Variants in ZNF831 observed in about 807,000 individuals in gnomAD.
ZNF831 encodes zinc finger protein 831, also known as chromosome 20 open reading frame 174.
ZNF831 carries 59 observed loss-of-function variants against 95.8 expected under a neutral mutation model. The observed-to-expected ratio is 0.62, with a 90% confidence interval of 0.50 to 0.77. The LOEUF (loss-of-function observed/expected upper bound fraction) is 0.77, where lower values mean the gene tolerates loss of function less well. Ranked by LOEUF, ZNF831 falls within the 30% of genes least tolerant of loss-of-function variation. The pLI is 0.00. For synonymous variants in ZNF831, 961 were observed against 925.5 expected (o/e 1.04, Z -0.70); for missense variants, 2,205 against 2,164.0 (o/e 1.02, Z -0.38).
rs1056087741 is a variant in ZNF831 at position 59,208,268 on chromosome 20, C to T, written c.4027+1212C>T. On this transcript the variant is annotated intron_variant, in intron 4 of 5. Transcript: ENST00000371030. This position sits in a 1 kb window ranked among gnomAD's most constrained non-coding sequence, Gnocchi z 4.2. Reference sequence around the variant, plus strand: ...CTCCATCTCCCTCCTCTGTATCCAGCGAAATTGCCCATTGGGCTGTGCTTG... The same window carrying T: ...CTCCATCTCCCTCCTCTGTATCCAGTGAAATTGCCCATTGGGCTGTGCTTG... 7.2e-5 allele frequency among the ~76,000 whole-genome samples: 11 copies of T among 152,178 alleles called. No homozygotes were observed. The highest frequency in any genetic ancestry group is 1.7e-4 in the African/African-American group (7 of 41,436).
intron 5 of ZNF831, 128 bp from the exon 6 acceptor site, chr20:59,253,770 C>A: frequency 9.1e-7 from 1 of 1,093,456 alleles, no homozygotes. Flanking sequence ...TATTGAAGTT[C>A]ACCCTTGGTA....
Position 59,148,438 on chromosome 20 carries a change from T to C in ZNF831, c.-1281+2064T>C, listed in dbSNP as rs961729046. On this transcript the variant is annotated intron_variant, in intron 2 of 7. Transcript: ENST00000637017. ...GGCTCACGCCTGTAATCCCAGCACTTTGGGAGGCCGAGACGGGCAGATCAC... is the reference window on the plus strand; with the variant it reads ...GGCTCACGCCTGTAATCCCAGCACTCTGGGAGGCCGAGACGGGCAGATCAC... 1.6e-4 allele frequency among the ~76,000 whole-genome samples: 23 copies of C among 146,876 alleles called. 5 individuals are homozygous for C. The highest frequency in any genetic ancestry group is 3.2e-4 in the Non-Finnish European group (21 of 66,354).
chr20:59,202,890 C>T (rs192562975), intron 3 of ZNF831, among the ~76,000 whole-genome samples: 216 of 152,250 alleles, frequency 1.4e-3, no homozygotes, highest in Non-Finnish European at 2.9e-3. Flanking sequence ...TCAGAACATA[C>T]GTAAATTTAA....
At position 59,193,415 on chromosome 20, in the gene ZNF831, G is replaced by A. The variant is rs1447096293; in HGVS notation, c.2396G>A (p.Cys799Tyr). 3 of 1,598,866 alleles carry A rather than the reference G, an allele frequency of 1.9e-6. No individual in the cohort carries two copies. Among genetic ancestry groups the A allele is most frequent in the East Asian group, 4.5e-5 (2 of 44,844 alleles). ...ARGVGDVQET[C>Y]LWAQTVLRWP... The stretch of plus-strand genomic sequence containing the variant: ...GGTGTGGGGGATGTTCAGGAGACCT[G>A]CCTGTGGGCCCAGACTGTCCTGAGA... The change falls in exon 2 of 6, where the codon TGC (cysteine) becomes TAC (tyrosine). Residue 799 changes from cysteine (C) to tyrosine (Y), a missense_variant. Coordinates refer to ENST00000371030, the MANE Select transcript of ZNF831 (RefSeq NM_178457.3).
intron 1 of ZNF831, among the ~76,000 whole-genome samples, chr20:59,123,685 C>T (rs561590495): frequency 5.2e-4 from 67 of 128,234 alleles, no homozygotes; most frequent in Non-Finnish European, 8.9e-4. Context: ...TCAAGGAGAG[C>T]GATGTGGAGG....
chr20:59,253,255 T>C (rs1987997517), intron 5 of ZNF831, 117 bp downstream of exon 5: 1 of 1,166,966 alleles, frequency 8.6e-7, no homozygotes, highest in Non-Finnish European at 1.2e-6. Flanking sequence ...CTTATGAAGA[T>C]TCGTGGCACA....
At chr20:59,182,667 T>C (rs1982712390) in intron 1 of ZNF831, among the ~76,000 whole-genome samples, 1 of 152,178 alleles carries the variant, frequency 6.6e-6, no homozygotes, top group African/African-American at 2.4e-5. Flanking sequence ...CAGGGGACAC[T>C]CCTCTCCTCC....
chr20:59,251,812 C>T (rs6092757), intron 4 of ZNF831, among the ~76,000 whole-genome samples: 1,983 of 152,274 alleles, frequency 0.013, 48 homozygotes, highest in African/African-American at 0.044. Context: ...AAAGCAAAAT[C>T]GTCATTAATC....
At chr20:59,199,131 CT>C (rs1488732434) in intron 3 of ZNF831, among the ~76,000 whole-genome samples, 10 of 119,910 alleles carry the variant, frequency 8.3e-5, no homozygotes, top group African/African-American at 3.2e-4. Flanking sequence ...ATCTATCTAT[CT>C]ATCACGTAAC....
intron 4 of ZNF831, among the ~76,000 whole-genome samples, chr20:59,232,994 GCACACACACACACACACACACACACACA>G (rs59267396): frequency 8.1e-6 from 1 of 122,990 alleles, no homozygotes; most frequent in Non-Finnish European, 1.7e-5. Flanking sequence ...GGACCCTGAG[GCACACACACACACACACACACACACACA>G]CACACACACA....
At chr20:59,244,908 C>T (rs755180534) in intron 4 of ZNF831, among the ~76,000 whole-genome samples, 1 of 152,194 alleles carries the variant, frequency 6.6e-6, no homozygotes, top group Non-Finnish European at 1.5e-5. Context: ...GTTTTTCCTA[C>T]CACAACTATT....
At chr20:59,184,763 AC>A (rs1432698475) in intron 1 of ZNF831, among the ~76,000 whole-genome samples, 1 of 152,038 alleles carries the variant, frequency 6.6e-6, no homozygotes, top group Admixed American at 6.5e-5. Flanking sequence ...CTAAAAACCT[AC>A]TTATGGCATT....
rs1475994896 is a variant in ZNF831 at position 59,194,710 on chromosome 20, T to C, written c.3691T>C (p.Trp1231Arg). 4 of 1,597,972 alleles carry C rather than the reference T, an allele frequency of 2.5e-6. No individual in the cohort carries two copies. Among genetic ancestry groups the C allele is most frequent in the East Asian group, 2.2e-5 (1 of 44,830 alleles). The change falls in exon 2 of 6, where the codon TGG (tryptophan) becomes CGG (arginine). Residue 1231 changes from tryptophan (W) to arginine (R), a missense_variant. Physicochemically the swap from Trp to Arg is moderately radical, Grantham distance 101. Coordinates refer to ENST00000371030, the MANE Select transcript of ZNF831 (RefSeq NM_178457.3). ...TGGCCCTCCTGGGAGCAATGGAGGA[T>C]GGACCTGGACAAGCCCTGGAGAAGG... ...PNGPPGSNGG[W>R]TWTSPGEGGP...
At chr20:59,179,277 C>T (rs539330114) in intron 1 of ZNF831, among the ~76,000 whole-genome samples, 45 of 152,320 alleles carry the variant, frequency 3.0e-4, no homozygotes, top group East Asian at 1.7e-3. Context: ...GTGTTACCCC[C>T]GCTTGTACCT....
At chr20:59,184,055 AC>A (rs1226404294) in intron 1 of ZNF831, among the ~76,000 whole-genome samples, 1 of 152,028 alleles carries the variant, frequency 6.6e-6, no homozygotes, top group Non-Finnish European at 1.5e-5. Flanking sequence ...ACCCCTGGCA[AC>A]CCCTGACCTT....
chr20:59,172,605 C>T (rs1376691174), intron 1 of ZNF831, among the ~76,000 whole-genome samples: 2 of 152,130 alleles, frequency 1.3e-5, no homozygotes, highest in East Asian at 3.9e-4. Flanking sequence ...TCTTTAGAGC[C>T]CCTCCTCTGT....
Position 59,241,557 on chromosome 20 carries a change from A to G in ZNF831, c.4028-11421A>G, listed in dbSNP as rs140029069. On this transcript the variant is annotated intron_variant, in intron 4 of 5. Coordinates refer to ENST00000371030, the MANE Select transcript of ZNF831 (RefSeq NM_178457.3). ...CATATATAAGAAAACTTTTGTAAGA[A>G]ACGTTTATAAGAAAATGACACTTGT... Among the ~76,000 whole-genome samples the G allele has an allele frequency of 2.0e-3, 312 of 152,354 alleles. 3 individuals carry two copies. Among genetic ancestry groups the G allele is most frequent in the African/African-American group, 7.2e-3 (299 of 41,588 alleles).
chr20:59,126,363 G>A (rs1979171241), intron 1 of ZNF831, among the ~76,000 whole-genome samples: 1 of 152,076 alleles, frequency 6.6e-6, no homozygotes, highest in Non-Finnish European at 1.5e-5. Context: ...GCAGATTAGT[G>A]CACCCTAAAT....
intron 1 of ZNF831, among the ~76,000 whole-genome samples, chr20:59,181,887 C>T (rs116954015): frequency 2.0e-5 from 3 of 151,950 alleles, no homozygotes; most frequent in Non-Finnish European, 4.4e-5. Context: ...ATTAATTTTT[C>T]CTTTCCATGA....
Sources: gnomAD v4.1 joint callset for allele counts (sites outside exome capture counted in the v4.1 genomes callset) on GRCh38, gnomAD v4.1.1 for gene constraint, Gnocchi (gnomAD v3.1) non-coding constraint, MANE v1.5 for transcripts, NCBI Gene and HGNC (gene_info 2026-07-23, HGNC 2026-07-21) for gene names.